RPH3A: variants seen among roughly 807,000 people sequenced by gnomAD.
The protein encoded by RPH3A is rabphilin-3A.
RPH3A carries 48 observed loss-of-function variants against 102.2 expected under a neutral mutation model. The observed-to-expected ratio is 0.47, with a 90% confidence interval of 0.37 to 0.60. RPH3A has a LOEUF of 0.60. RPH3A is among the 20% of genes least tolerant of loss of function. The probability of loss-of-function intolerance (pLI) is 0.00; values close to 1 mark genes in which losing one functional copy is unlikely to be tolerated. For synonymous variants in RPH3A, 310 were observed against 324.3 expected, an observed-to-expected ratio of 0.96 and a Z score of 0.47; for missense variants, 781 against 910.1, an observed-to-expected ratio of 0.86 and a Z score of 1.83.
rs2043190855 is a variant in RPH3A at position 112,897,056 on chromosome 12, T to C, written c.*276T>C. ...GAGACGTTTACAAAGAGGTTGATCA[T>C]TTAATAACCTCTCAGTTTGGGTAAA... On this transcript the variant is annotated 3_prime_UTR_variant, in exon 22 of 22. Coordinates refer to ENST00000389385, the MANE Select transcript of RPH3A (RefSeq NM_001143854.2). The C allele has an allele frequency of 2.6e-6, 1 of 384,224 alleles. No homozygotes were observed. The highest frequency in any genetic ancestry group is 3.7e-5 in the South Asian group (1 of 26,746). 23.8% of individuals were successfully genotyped at this position (384,224 alleles called of 1,614,324 possible).
intron 1 of RPH3A, among the ~76,000 whole-genome samples, chr12:112,666,231 T>G (rs1314412481): frequency 1.3e-5 from 2 of 152,290 alleles, no homozygotes; most frequent in Admixed American, 1.3e-4. Context: ...ACTTAATAGC[T>G]TATGTCTTTT....
At chr12:112,653,031 C>T (rs2039986393) in intron 1 of RPH3A, among the ~76,000 whole-genome samples, 1 of 152,060 alleles carries the variant, frequency 6.6e-6, no homozygotes, top group Non-Finnish European at 1.5e-5. Context: ...AGCTATAACA[C>T]AGTTGTAAGT....
At chr12:112,847,972 G>A in intron 5 of RPH3A, 130 bp downstream of exon 5, 1 of 963,348 alleles carries the variant, frequency 1.0e-6, no homozygotes, top group Non-Finnish European at 1.5e-6. Context: ...TGACTTACGG[G>A]GCCACCTCCC....
At chr12:112,882,910 T>C (rs1246262904) in intron 15 of RPH3A, among the ~76,000 whole-genome samples, 4 of 152,112 alleles carry the variant, frequency 2.6e-5, no homozygotes, top group Non-Finnish European at 2.9e-5. Context: ...GCATGAAGGG[T>C]ACTATCTGGG....
At chr12:112,619,455 G>A (rs901841928) in intron 1 of RPH3A, among the ~76,000 whole-genome samples, 1 of 152,024 alleles carries the variant, frequency 6.6e-6, no homozygotes, top group African/African-American at 2.4e-5. Context: ...AGCTAATTTT[G>A]TATTTTTAGT....
chr12:112,894,156 G>A, intron 19 of RPH3A: 1 of 202,686 alleles, frequency 4.9e-6, no homozygotes, highest in South Asian at 1.1e-4. Flanking sequence ...TAGGGATTGG[G>A]GGCAGCCTAA....
Position 112,847,830 on chromosome 12 carries a change from A to G in RPH3A, c.218A>G (p.Gln73Arg). ...ARAEKMEEME[Q>R]ERIGRLVDRL... ...GCTGAGAAAATGGAAGAGATGGAGC[A>G]GGAGCGAATCGGGTGAGGCTTAACG... The change falls in exon 5 of 22, where the codon CAG becomes CGG. Residue 73 changes from glutamine (Q) to arginine (R), a missense_variant. Around this residue, in one of 2 missense-constraint regions of RPH3A, gnomAD observed 730 missense variants for 810.0 expected, o/e 0.90. Coordinates refer to ENST00000389385, the MANE Select transcript of RPH3A (RefSeq NM_001143854.2). 1 of 1,614,184 alleles carries G rather than the reference A, an allele frequency of 6.2e-7. No individual in the cohort carries two copies. Among genetic ancestry groups the G allele is most frequent in the Non-Finnish European group, 8.5e-7 (1 of 1,180,020 alleles).
chr12:112,825,206 G>C (rs971683142), intron 2 of RPH3A, among the ~76,000 whole-genome samples: 2 of 152,162 alleles, frequency 1.3e-5, no homozygotes, highest in Admixed American at 6.5e-5. Context: ...TCTCCTTTCT[G>C]TTTTTGAAGT....
intron 1 of RPH3A, among the ~76,000 whole-genome samples, chr12:112,785,052 G>C (rs560853103): frequency 4.6e-5 from 7 of 151,930 alleles, no homozygotes; most frequent in African/African-American, 1.7e-4. Flanking sequence ...GAGAAACCCC[G>C]TCTCTACTAA....
At chr12:112,831,495 C>T (rs2041970063) in intron 3 of RPH3A, among the ~76,000 whole-genome samples, 5 of 152,028 alleles carry the variant, frequency 3.3e-5, no homozygotes, top group Admixed American at 3.3e-4. Context: ...CGACTCTTCT[C>T]TAGTATCTTA....
intron 14 of RPH3A, among the ~76,000 whole-genome samples, chr12:112,881,566 G>T (rs1297632236): frequency 6.6e-6 from 1 of 152,228 alleles, no homozygotes; most frequent in Non-Finnish European, 1.5e-5. Flanking sequence ...ACATAGCCAG[G>T]AAGTGACATG....
At chr12:112,592,734 T>C (rs2039488658) in intron 1 of RPH3A, among the ~76,000 whole-genome samples, 1 of 152,182 alleles carries the variant, frequency 6.6e-6, no homozygotes, top group Non-Finnish European at 1.5e-5. Context: ...CTGACTTGAG[T>C]GTGTGTCTCC....
chr12:112,713,046 CTTCTCCTTCTT>C (rs1565857439), intron 1 of RPH3A, among the ~76,000 whole-genome samples: 9 of 73,936 alleles, frequency 1.2e-4, no homozygotes, highest in Middle Eastern at 5.6e-3. Flanking sequence ...TCTTCTTCTT[CTTCTCCTTCTT>C]CTTCTTCTTC....
At chr12:112,882,328 G>A (rs1565941541) in intron 15 of RPH3A, among the ~76,000 whole-genome samples, 1 of 151,984 alleles carries the variant, frequency 6.6e-6, no homozygotes, top group Non-Finnish European at 1.5e-5. Flanking sequence ...GCTGAGCATT[G>A]CTTTACTCTG....
At chr12:112,808,248 A>T (rs2041506286) in intron 2 of RPH3A, among the ~76,000 whole-genome samples, 1 of 152,240 alleles carries the variant, frequency 6.6e-6, no homozygotes, top group African/African-American at 2.4e-5. Context: ...GTGATGGAGA[A>T]GAACGTGAAG....
chr12:112,823,740 G>C (rs1039491415), intron 2 of RPH3A, among the ~76,000 whole-genome samples: 1 of 152,106 alleles, frequency 6.6e-6, no homozygotes, highest in Non-Finnish European at 1.5e-5. Context: ...CTATTATGAC[G>C]ATGGTTTCTC....
chr12:112,639,089 C>T (rs1285583512), intron 1 of RPH3A, among the ~76,000 whole-genome samples: 1 of 152,134 alleles, frequency 6.6e-6, no homozygotes, highest in African/African-American at 2.4e-5. Context: ...TCCCTCTGAG[C>T]CTCTGTCTTC....
chr12:112,652,102 T>G (rs538982078), intron 1 of RPH3A, among the ~76,000 whole-genome samples: 3 of 152,266 alleles, frequency 2.0e-5, no homozygotes, highest in Admixed American at 6.5e-5. Flanking sequence ...TCAAGTCTTT[T>G]GAGTACATAC....
intron 1 of RPH3A, among the ~76,000 whole-genome samples, chr12:112,591,180 G>T (rs2039475384): frequency 6.6e-6 from 1 of 151,824 alleles, no homozygotes; most frequent in African/African-American, 2.4e-5. Flanking sequence ...TCAAACTCCT[G>T]GGCTCAATGA....
Sources: gnomAD v4.1 joint callset for allele counts (sites outside exome capture counted in the v4.1 genomes callset) on GRCh38, gnomAD v4.1.1 for gene constraint, gnomAD v4.1.1 regional missense constraint, MANE v1.5 for transcripts, NCBI Gene and HGNC (gene_info 2026-07-23, HGNC 2026-07-21) for gene names.